The following GBF1 variants were observed in gnomAD, a reference collection of about 807,000 sequenced individuals.
GBF1 encodes golgi brefeldin A resistant guanine nucleotide exchange factor 1.
In GBF1, 114 loss-of-function variants were observed where a neutral mutation model predicts 210.5. The observed-to-expected ratio is 0.54, with a 90% CI of 0.47 to 0.63. The LOEUF is 0.63. Ranked by LOEUF, GBF1 falls within the 30% of genes least tolerant of loss-of-function variation. The pLI is 0.00. For missense variants in GBF1, 1,851 were observed against 2,357.7 expected (o/e 0.79, Z 4.45); for synonymous variants, 850 against 889.2 (o/e 0.96, Z 0.78).
chr10:102,278,892 T>G (rs571352422), intron 3 of GBF1, among the ~76,000 whole-genome samples: 1 of 152,332 alleles, frequency 6.6e-6, no homozygotes, highest in South Asian at 2.1e-4. Context: ...GGTCAAGTGT[T>G]AATCTGATTT....
chr10:102,331,974 C>T (rs1679187871), intron 3 of GBF1, among the ~76,000 whole-genome samples: 2 of 149,804 alleles, frequency 1.3e-5, no homozygotes, highest in African/African-American at 4.9e-5. Flanking sequence ...ATTCTTCTGC[C>T]TCAGCCTCCT....
At chr10:102,381,556 C>T (rs2060847643) in intron 39 of GBF1, among the ~76,000 whole-genome samples, 1 of 152,104 alleles carries the variant, frequency 6.6e-6, no homozygotes, top group Admixed American at 6.5e-5. Context: ...GGCGCAGTGG[C>T]TCATACCTGT....
chr10:102,258,588 A>T (rs2072757472), intron 1 of GBF1, among the ~76,000 whole-genome samples: 1 of 150,802 alleles, frequency 6.6e-6, no homozygotes, highest in African/African-American at 2.4e-5. Context: ...CCTGACCAAC[A>T]CAGAGAAACC....
At chr10:102,230,772 G>C in the GBF1 span, 1 of 1,530,674 alleles carries the variant, frequency 6.5e-7, no homozygotes, top group Non-Finnish European at 8.8e-7. Context: ...CCCCGCCCAG[G>C]CCCTGCAGGG....
intron 4 of GBF1, among the ~76,000 whole-genome samples, chr10:102,350,481 A>C (rs2058880773): frequency 6.6e-6 from 1 of 152,164 alleles, no homozygotes; most frequent in Non-Finnish European, 1.5e-5. Context: ...TCCAAAAGCA[A>C]CCAGAGAGAG....
chr10:102,353,467 C>T (rs1159716307), intron 7 of GBF1, 133 bp from the exon 8 acceptor site: 1 of 722,814 alleles, frequency 1.4e-6, no homozygotes, highest in Non-Finnish European at 2.5e-6. Context: ...TGAAATTAGT[C>T]TGCTTCTCTT....
chr10:102,351,956 G>A lies in GBF1; in HGVS notation c.523+5G>A. The stretch of plus-strand genomic sequence containing the variant: ...GCTTTGAAATGAGGCTCAGTGGTAG[G>A]TGCTTGGATATTAGCCCCTTCACCA... On this transcript the variant is annotated splice_donor_5th_base_variant and intron_variant, in intron 6 of 39. Transcript: ENST00000369983. 6.7e-7 allele frequency: 1 copy of A among 1,482,670 alleles called. No homozygotes were observed. The highest frequency in any genetic ancestry group is 9.4e-7 in the Non-Finnish European group (1 of 1,059,984). 91.8% of individuals were successfully genotyped at this position (1,482,670 alleles called of 1,614,324 possible).
chr10:102,337,437 A>G (rs1269219804), intron 3 of GBF1, among the ~76,000 whole-genome samples: 1 of 151,904 alleles, frequency 6.6e-6, no homozygotes, highest in African/African-American at 2.4e-5. Flanking sequence ...GCTCTTCATC[A>G]CAGATAATTT....
chr10:102,276,193 C>T (rs1022044523), intron 3 of GBF1, among the ~76,000 whole-genome samples: 20 of 151,468 alleles, frequency 1.3e-4, no homozygotes, highest in South Asian at 4.2e-4. Context: ...GCTGAGATCG[C>T]GCCACTGCAC....
intron 3 of GBF1, among the ~76,000 whole-genome samples, chr10:102,307,831 T>G (rs191434845): frequency 6.6e-6 from 1 of 151,082 alleles, no homozygotes; most frequent in African/African-American, 2.4e-5. Context: ...GATTTCCCAG[T>G]AGGAAAATGG....
rs776765339 is a variant in GBF1 at position 102,376,277 on chromosome 10, C to A, written c.3892C>A (p.Gln1298Lys). 1 of 1,613,752 alleles carries A rather than the reference C, an allele frequency of 6.2e-7. No homozygotes were observed. Among genetic ancestry groups the A allele is most frequent in the South Asian group, 1.1e-5 (1 of 91,052 alleles). Residue 1298 changes from glutamine to lysine, a missense_variant, in exon 31 of 40, where the codon CAG becomes AAG. Around this residue, in one of 3 missense-constraint regions of GBF1, gnomAD observed 967 missense variants for 1,247.7 expected, o/e 0.78. Coordinates refer to ENST00000369983, the MANE Select transcript of GBF1 (RefSeq NM_001377137.1). ...CTTCTCCCTGCCTACCATAGGGGCC[C>A]AGTCAGATAGTGAGCTCCCATCCTA... ...ARADAPDAGA[Q>K]SDSELPSYHQ...
At chr10:102,340,101 G>A (rs141844044) in intron 3 of GBF1, among the ~76,000 whole-genome samples, 3,609 of 150,526 alleles carry the variant, frequency 0.024, 74 homozygotes, top group Middle Eastern at 0.042. Context: ...CTACAGGTGC[G>A]CGCCACCATG....
chr10:102,247,987 G>C (rs2071047592), intron 1 of GBF1, among the ~76,000 whole-genome samples: 1 of 152,136 alleles, frequency 6.6e-6, no homozygotes, highest in African/African-American at 2.4e-5. Context: ...TCATTGATAG[G>C]GTACTTAGAC....
In GBF1 at chr10:102,360,057, C is replaced by G. The variant is rs915420021; in HGVS notation, c.1181-127C>G. ...CTAGGATTACAGGCATGAGCCATCA[C>G]GCCCAGCCCTTTTCTTCAAAGAGAA... is the stretch of plus-strand genomic sequence containing the variant. On this transcript the variant is annotated intron_variant, in intron 11 of 39. Coordinates refer to ENST00000369983, the MANE Select transcript of GBF1 (RefSeq NM_001377137.1). 31 of 729,784 alleles carry G rather than the reference C, an allele frequency of 4.2e-5. No homozygotes were observed. In the African/African-American group the frequency reaches 4.6e-4, roughly 11 times the overall value. The allele number at this position is 729,784 out of a possible 1,614,324, so 45.2% of individuals were successfully genotyped here. A position where few individuals can be genotyped will look rare whatever the true frequency, so the allele number is the denominator to read the frequency against.
upstream of GBF1, among the ~76,000 whole-genome samples, chr10:102,240,371 G>T (rs1336974949): frequency 6.6e-6 from 1 of 152,238 alleles, no homozygotes; most frequent in Non-Finnish European, 1.5e-5. Context: ...AAGGGGGCAT[G>T]TGTCCCAGCC....
Position 102,380,391 on chromosome 10 carries a change from C to T in GBF1, c.4992+29C>T, listed in dbSNP as rs773968389. 7 of 1,579,082 alleles carry T rather than the reference C, an allele frequency of 4.4e-6. No homozygotes were observed. The South Asian group carries it at 7.7e-5, about 17-fold the overall frequency. On this transcript the variant is annotated intron_variant, in intron 37 of 39. Coordinates refer to ENST00000369983, the MANE Select transcript of GBF1 (RefSeq NM_001377137.1). ...TGTTCTACCTCAGCTCTGCTGCCTG[C>T]CTCCTGTCCCACCTGTTGGAAGGAC...
intron 21 of GBF1, 46 bp downstream of exon 21, chr10:102,367,606 C>G: frequency 9.2e-7 from 1 of 1,085,172 alleles, no homozygotes; most frequent in Non-Finnish European, 1.4e-6. Flanking sequence ...TAAGAAGAAG[C>G]ACATTGCTTC....
intron 1 of GBF1, among the ~76,000 whole-genome samples, chr10:102,255,093 T>C (rs905507830): frequency 3.3e-5 from 5 of 152,150 alleles, no homozygotes; most frequent in South Asian, 2.1e-4. Flanking sequence ...CAGGTTGGAA[T>C]GCAGTGGCGC....
chr10:102,345,647 A>C (rs2058507356), intron 4 of GBF1, among the ~76,000 whole-genome samples: 1 of 124,174 alleles, frequency 8.1e-6, no homozygotes, highest in Non-Finnish European at 1.7e-5. Context: ...ACTCCGTCTC[A>C]AAAAAAAAAA....
Sources: gnomAD v4.1 joint callset for allele counts (sites outside exome capture counted in the v4.1 genomes callset) on GRCh38, gnomAD v4.1.1 for gene constraint, gnomAD v4.1.1 regional missense constraint, MANE v1.5 for transcripts, NCBI Gene and HGNC (gene_info 2026-07-23, HGNC 2026-07-21) for gene names.